Variants in AGBL1 observed in about 807,000 individuals in gnomAD.
The protein encoded by AGBL1 is cytosolic carboxypeptidase 4.
AGBL1 carries 130 observed loss-of-function variants against 118.9 expected under a neutral mutation model. That is an observed-to-expected ratio of 1.09 (90% CI 0.95 to 1.26). The LOEUF is 1.26. Ranked by LOEUF, AGBL1 falls within the 50% of genes most tolerant of loss-of-function variation. The probability of loss-of-function intolerance (pLI) is 0.00; values close to 1 mark genes in which losing one functional copy is unlikely to be tolerated. For missense variants in AGBL1, 1,584 were observed against 1,298.1 expected, an observed-to-expected ratio of 1.22 and a Z score of -3.38; for synonymous variants, 555 against 478.9, an observed-to-expected ratio of 1.16 and a Z score of -2.08.
At chr15:86,526,614 A>C (rs2083269628) in intron 19 of AGBL1, among the ~76,000 whole-genome samples, 2 of 147,702 alleles carry the variant, frequency 1.4e-5, no homozygotes, top group African/African-American at 2.5e-5. Flanking sequence ...ATATATATAT[A>C]AATACACAGT....
chr15:87,023,484 A>G (rs1372448871), intron 24 of AGBL1, among the ~76,000 whole-genome samples: 2 of 152,092 alleles, frequency 1.3e-5, no homozygotes, highest in East Asian at 1.9e-4. Context: ...TTTATAAAAC[A>G]ATTACTAATA....
chr15:86,288,986 A>G (rs2079501224), intron 16 of AGBL1, among the ~76,000 whole-genome samples: 1 of 152,136 alleles, frequency 6.6e-6, no homozygotes, highest in Non-Finnish European at 1.5e-5. Context: ...TTCATTGTAT[A>G]TTACTATTGC....
chr15:86,085,690 G>T (rs142658291), intron 1 of AGBL1, among the ~76,000 whole-genome samples: 1,809 of 152,280 alleles, frequency 0.012, 24 homozygotes, highest in South Asian at 0.032. Flanking sequence ...CTCATCCTGA[G>T]CCTCTCTCTA....
intron 5 of AGBL1, among the ~76,000 whole-genome samples, chr15:86,190,713 T>A (rs140329984): frequency 2.0e-4 from 31 of 152,240 alleles, no homozygotes; most frequent in African/African-American, 7.2e-4. Flanking sequence ...GGGAAGCTAA[T>A]AAGGTATCAA....
At chr15:86,673,725 T>A (rs71401909) in intron 21 of AGBL1, among the ~76,000 whole-genome samples, 2,890 of 152,252 alleles carry the variant, frequency 0.019, 37 homozygotes, top group Non-Finnish European at 0.028. Context: ...AGAGTACATG[T>A]CATGATTTTG....
chr15:86,756,189 A>C (rs2077936828), intron 22 of AGBL1, among the ~76,000 whole-genome samples: 1 of 149,856 alleles, frequency 6.7e-6, no homozygotes, highest in Non-Finnish European at 1.5e-5. Flanking sequence ...AAATATGCAA[A>C]AACAGCTCAC....
At chr15:86,894,338 C>T (rs1253311847) in intron 22 of AGBL1, among the ~76,000 whole-genome samples, 4 of 152,124 alleles carry the variant, frequency 2.6e-5, no homozygotes, top group Admixed American at 6.6e-5. Context: ...GAGAGAATAG[C>T]TAACACCCTA....
At chr15:86,696,712 A>T in intron 22 of AGBL1, among the ~76,000 whole-genome samples, 1 of 151,772 alleles carries the variant, frequency 6.6e-6, no homozygotes, top group Non-Finnish European at 1.5e-5. Context: ...CATGCTTTAA[A>T]GAGGTTCTAT....
intron 18 of AGBL1, among the ~76,000 whole-genome samples, chr15:86,418,800 A>G (rs2081740420): frequency 6.6e-6 from 1 of 152,116 alleles, no homozygotes; most frequent in African/African-American, 2.4e-5. Flanking sequence ...TGTCCTCAGA[A>G]TAGATCATTC....
chr15:86,508,005 C>CTTT (rs397853754), intron 18 of AGBL1, among the ~76,000 whole-genome samples: 2 of 126,602 alleles, frequency 1.6e-5, no homozygotes, highest in Non-Finnish European at 3.4e-5. Flanking sequence ...AGTGATTTGC[C>CTTT]TTTTTTTTTT....
intron 24 of AGBL1, among the ~76,000 whole-genome samples, chr15:87,026,496 G>A (rs747762126): frequency 4.0e-5 from 6 of 151,892 alleles, no homozygotes; most frequent in Non-Finnish European, 8.8e-5. Context: ...CAAAAAAATA[G>A]TAGACGTTGG....
intron 23 of AGBL1, among the ~76,000 whole-genome samples, chr15:86,974,418 A>T: frequency 8.3e-6 from 1 of 120,422 alleles, no homozygotes; most frequent in South Asian, 2.4e-4. Context: ...AAATATAAAC[A>T]TATTTTATAT....
At chr15:86,305,514 CAT>C (rs1163437548) in intron 17 of AGBL1, among the ~76,000 whole-genome samples, 3 of 152,054 alleles carry the variant, frequency 2.0e-5, no homozygotes, top group Non-Finnish European at 4.4e-5. Flanking sequence ...ATGGGTGTCT[CAT>C]ATTATTTTCT....
intron 17 of AGBL1, among the ~76,000 whole-genome samples, chr15:86,339,847 T>C (rs546743138): frequency 2.0e-5 from 3 of 151,960 alleles, no homozygotes; most frequent in Admixed American, 6.6e-5. Context: ...CATGCCTTAA[T>C]CCCAGCTACT....
chr15:86,647,633 G>A (rs1463529015), intron 21 of AGBL1, among the ~76,000 whole-genome samples: 1 of 152,136 alleles, frequency 6.6e-6, no homozygotes, highest in Non-Finnish European at 1.5e-5. Context: ...CCTAGGAGGC[G>A]GAGGTTGCAG....
chr15:86,809,787 T>A (rs1251690942), intron 22 of AGBL1, among the ~76,000 whole-genome samples: 1 of 152,178 alleles, frequency 6.6e-6, no homozygotes, highest in Middle Eastern at 3.2e-3. Flanking sequence ...ATCACACGTT[T>A]TCAATGTAAG....
chr15:86,877,053 C>G (rs930048393), intron 22 of AGBL1, among the ~76,000 whole-genome samples: 1 of 152,158 alleles, frequency 6.6e-6, no homozygotes, highest in Non-Finnish European at 1.5e-5. Flanking sequence ...ATCTCACTCA[C>G]TGCACTTAAT....
At chr15:86,797,022 A>G (rs1384171796) in intron 22 of AGBL1, among the ~76,000 whole-genome samples, 6 of 152,176 alleles carry the variant, frequency 3.9e-5, no homozygotes, top group Admixed American at 3.9e-4. Context: ...TCAAATTTTA[A>G]CAACTATCTG....
chr15:86,564,799 G>T (rs181957307), intron 21 of AGBL1, among the ~76,000 whole-genome samples: 4 of 152,244 alleles, frequency 2.6e-5, no homozygotes, highest in African/African-American at 7.2e-5. Context: ...TTTTCACATA[G>T]TCCCATATTT....
Sources: allele counts gnomAD v4.1 joint callset (sites outside exome capture counted in the v4.1 genomes callset), GRCh38; gene constraint gnomAD v4.1.1; transcripts MANE v1.5; gene names NCBI Gene and HGNC (gene_info 2026-07-23, HGNC 2026-07-21).